The following ARL14EP variants were observed in gnomAD, a reference collection of about 807,000 sequenced individuals.
ARL14EP encodes ARL14 effector protein.
A neutral mutation model predicts 23.1 loss-of-function variants in ARL14EP; 12 were observed. That is an observed-to-expected ratio of 0.52 (90% CI 0.33 to 0.84). The LOEUF (loss-of-function observed/expected upper bound fraction) is 0.84, where lower values mean the gene tolerates loss of function less well. Ranked by LOEUF, ARL14EP falls within the 40% of genes least tolerant of loss-of-function variation. ARL14EP has a pLI of 0.02. For missense variants in ARL14EP, 253 were observed against 307.3 expected (o/e 0.82, Z 1.32); for synonymous variants, 97 against 102.0 (o/e 0.95, Z 0.29).
rs1947337746 is a variant in ARL14EP at position 30,336,927 on chromosome 11, C to G, written c.*132C>G. On this transcript the variant is annotated 3_prime_UTR_variant, in exon 4 of 4. Coordinates refer to ENST00000282032, the MANE Select transcript of ARL14EP (RefSeq NM_152316.3). ...ATCTCAGTGTGCCCTAATTTTTCAT[C>G]TTGGGTGCTTTAAGATTCACTATTT... 1.2e-5 allele frequency: 10 copies of G among 848,424 alleles called. No homozygotes were observed. The highest frequency in any genetic ancestry group is 1.7e-5 in the Non-Finnish European group (9 of 528,226). The allele number at this position is 848,424 out of a possible 1,614,324, so 52.6% of individuals were successfully genotyped here.
chr11:30,336,902 A>G lies in ARL14EP; in HGVS notation c.*107A>G. ...ATCATATGACAAAGATTTTAAAACCATCTCAGTGTGCCCTAATTTTTCATC... is the reference window on the plus strand; with the variant it reads ...ATCATATGACAAAGATTTTAAAACCGTCTCAGTGTGCCCTAATTTTTCATC... On this transcript the variant is annotated 3_prime_UTR_variant, in exon 4 of 4. Transcript: ENST00000282032. The G allele has an allele frequency of 9.6e-7, 1 of 1,042,628 alleles. No individual in the cohort carries two copies. Among genetic ancestry groups the G allele is most frequent in the Non-Finnish European group, 1.4e-6 (1 of 693,352 alleles). The allele number at this position is 1,042,628 out of a possible 1,614,324, so 64.6% of individuals were successfully genotyped here. A position where few individuals can be genotyped will look rare whatever the true frequency, so the allele number is the denominator to read the frequency against.
chr11:30,328,533 A>G (rs1947259217), intron 1 of ARL14EP: 1 of 152,234 alleles, frequency 6.6e-6, no homozygotes, highest in South Asian at 2.1e-4. Context: ...AACACAGTAA[A>G]TGAATATAAA....
intron 1 of ARL14EP, among the ~76,000 whole-genome samples, chr11:30,326,246 C>G (rs996577474): frequency 1.3e-5 from 2 of 152,134 alleles, no homozygotes; most frequent in African/African-American, 4.8e-5. Flanking sequence ...TTACAAATCA[C>G]TTGGGTATCT....
At position 30,337,026 on chromosome 11, in the gene ARL14EP, G is replaced by T. The variant is rs1443565273; in HGVS notation, c.*231G>T. 3.9e-6 allele frequency: 2 copies of T among 515,062 alleles called. No homozygotes were observed. The highest frequency in any genetic ancestry group is 6.9e-6 in the Non-Finnish European group (2 of 287,892). 31.9% of individuals were successfully genotyped at this position (515,062 alleles called of 1,614,324 possible). On this transcript the variant is annotated 3_prime_UTR_variant, in exon 4 of 4. Transcript: ENST00000282032. ...CTGGATCAATATAAACAAGTAGGGT[G>T]TAGGCAGTCCTCTATTTGCATGTTT...
chr11:30,333,318 C>T (rs1261315684), intron 3 of ARL14EP, among the ~76,000 whole-genome samples: 2 of 151,858 alleles, frequency 1.3e-5, no homozygotes, highest in Admixed American at 1.3e-4. Context: ...TTTATTGGTG[C>T]TTCACTTTAT....
At chr11:30,323,761 A>G (rs1304149991) in intron 1 of ARL14EP, among the ~76,000 whole-genome samples, 4 of 152,122 alleles carry the variant, frequency 2.6e-5, no homozygotes, top group African/African-American at 9.7e-5. Context: ...GAATCATTGC[A>G]GGGTTTGGGG....
Position 30,336,913 on chromosome 11 carries a change from C to A in ARL14EP, c.*118C>A. On this transcript the variant is annotated 3_prime_UTR_variant, in exon 4 of 4. Coordinates refer to ENST00000282032, the MANE Select transcript of ARL14EP (RefSeq NM_152316.3). ...AAGATTTTAAAACCATCTCAGTGTG[C>A]CCTAATTTTTCATCTTGGGTGCTTT... 2.1e-6 allele frequency: 2 copies of A among 967,916 alleles called. No homozygotes were observed. Among genetic ancestry groups the A allele is most frequent in the Non-Finnish European group, 3.2e-6 (2 of 632,654 alleles). 60.0% of individuals were successfully genotyped at this position (967,916 alleles called of 1,614,324 possible).
chr11:30,329,388 CAGTGAATGCTGAA>C (rs1426949001), intron 1 of ARL14EP: 1 of 152,112 alleles, frequency 6.6e-6, no homozygotes, highest in Non-Finnish European at 1.5e-5. Context: ...CTGCCAAAGG[CAGTGAATGCTGAA>C]AGTTTTCGTA....
At chr11:30,327,833 A>G (rs182454901) in intron 1 of ARL14EP, among the ~76,000 whole-genome samples, 1 of 147,838 alleles carries the variant, frequency 6.8e-6, no homozygotes, top group African/African-American at 2.5e-5. Context: ...AAATTTAGCC[A>G]GGCGTGGTGG....
chr11:30,331,459 A>G, intron 2 of ARL14EP, 85 bp downstream of exon 2: 1 of 1,583,998 alleles, frequency 6.3e-7, no homozygotes, highest in South Asian at 1.1e-5. Flanking sequence ...TATTTACATT[A>G]TTACTAAATT....
intron 1 of ARL14EP, among the ~76,000 whole-genome samples, chr11:30,327,346 T>G (rs1810643084): frequency 6.6e-6 from 1 of 152,120 alleles, no homozygotes; most frequent in Admixed American, 6.6e-5. Flanking sequence ...GGAAAAGAAT[T>G]TTTTACCTAA....
chr11:30,335,784 G>A (rs1473218279), intron 3 of ARL14EP, among the ~76,000 whole-genome samples: 1 of 151,808 alleles, frequency 6.6e-6, no homozygotes, highest in East Asian at 1.9e-4. Flanking sequence ...ATATGTGTGT[G>A]TGTGTGTGTG....
chr11:30,327,087 A>G (rs530034128), intron 1 of ARL14EP, among the ~76,000 whole-genome samples: 29 of 152,296 alleles, frequency 1.9e-4, no homozygotes, highest in African/African-American at 2.6e-4. Context: ...TGCTAGCTCA[A>G]TGTGCTGCCT....
At chr11:30,335,839 A>G (rs565275618) in intron 3 of ARL14EP, among the ~76,000 whole-genome samples, 4 of 152,026 alleles carry the variant, frequency 2.6e-5, no homozygotes, top group South Asian at 4.2e-4. Context: ...CAAACCCACA[A>G]TACCTCCGAA....
rs1430442199 is a variant in ARL14EP at position 30,337,860 on chromosome 11, TTAATTC to T, written c.*1068_*1073del. The stretch of plus-strand genomic sequence containing the variant: ...TGTTTTTACAATGAAATAAAACACT[TTAATTC>T]TATTTCTAATGTTTTAAATTACAGT... On this transcript the variant is annotated 3_prime_UTR_variant, in exon 4 of 4. Transcript: ENST00000282032. 1 of 152,222 alleles carries T rather than the reference TTAATTC, an allele frequency of 6.6e-6. No homozygotes were observed. Among genetic ancestry groups the T allele is most frequent in the Non-Finnish European group, 1.5e-5 (1 of 68,042 alleles). The allele number at this position is 152,222 out of a possible 1,614,324, so 9.4% of individuals were successfully genotyped here.
chr11:30,325,846 C>T (rs913874622), intron 1 of ARL14EP, among the ~76,000 whole-genome samples: 1 of 152,180 alleles, frequency 6.6e-6, no homozygotes, highest in Non-Finnish European at 1.5e-5. Flanking sequence ...GTCCATTGAA[C>T]CTTCAGCAGA....
At chr11:30,333,033 T>C (rs763958964) in intron 3 of ARL14EP, 40 bp downstream of exon 3, 16 of 1,608,380 alleles carry the variant, frequency 9.9e-6, no homozygotes, top group Non-Finnish European at 1.4e-5. Flanking sequence ...ACTTGCTGCT[T>C]CACATCTGCA....
chr11:30,337,792 A>T lies in ARL14EP; in HGVS notation c.*997A>T, dbSNP rs1381079384. 6.6e-6 allele frequency: 1 copy of T among 152,248 alleles called. No homozygotes were observed. The highest frequency in any genetic ancestry group is 1.9e-4 in the East Asian group (1 of 5,202). The allele number at this position is 152,248 out of a possible 1,614,324, so 9.4% of individuals were successfully genotyped here. A position where few individuals can be genotyped will look rare whatever the true frequency, so the allele number is the denominator to read the frequency against. On this transcript the variant is annotated 3_prime_UTR_variant, in exon 4 of 4. Transcript: ENST00000282032. ...TAAAAGATGCTTACTCAGTATGGTA[A>T]GTTACTTGCCAGAAAAAAAGGCAAG...
In ARL14EP at chr11:30,332,857, T is replaced by C; in HGVS notation, c.427-9T>C. On this transcript the variant is annotated splice_polypyrimidine_tract_variant and intron_variant, in intron 2 of 3. Coordinates refer to ENST00000282032, the MANE Select transcript of ARL14EP (RefSeq NM_152316.3). ...GATTTGAGTTGATAATTTGTTTACC[T>C]TTCTTCAGGGAAGAACTGCTAAAGC... 6.2e-7 allele frequency: 1 copy of C among 1,612,546 alleles called. No homozygotes were observed. The highest frequency in any genetic ancestry group is 1.3e-5 in the African/African-American group (1 of 75,010).
Sources: allele counts gnomAD v4.1 joint callset (sites outside exome capture counted in the v4.1 genomes callset), GRCh38; gene constraint gnomAD v4.1.1; transcripts MANE v1.5; gene names NCBI Gene and HGNC (gene_info 2026-07-23, HGNC 2026-07-21).